Variants in WNT5A observed in about 807,000 individuals in gnomAD.
WNT5A encodes the protein Wnt family member 5A, also known as protein Wnt-5a.
WNT5A carries 9 observed loss-of-function variants against 42.1 expected under a neutral mutation model. The observed-to-expected ratio is 0.21, with a 90% CI of 0.13 to 0.37. The LOEUF (loss-of-function observed/expected upper bound fraction) is 0.37, where lower values mean the gene tolerates loss of function less well. Among genes scored for constraint, WNT5A ranks in the 10% least tolerant of loss-of-function variants. The pLI, the probability that WNT5A is intolerant of heterozygous loss-of-function variation, is 1.00. For missense variants in WNT5A, 426 were observed against 534.0 expected (o/e 0.80, Z 1.99); for synonymous variants, 210 against 210.0 (o/e 1.00, Z 0.00).
rs2106954723 is a variant in WNT5A at position 55,480,816 on chromosome 3, C to T, written c.109G>A (p.Ala37Thr). The T allele has an allele frequency of 6.4e-7, 1 of 1,572,632 alleles. No individual in the cohort carries two copies. Among genetic ancestry groups the T allele is most frequent in the Non-Finnish European group, 8.6e-7 (1 of 1,158,002 alleles). The change falls in exon 2 of 5, where the codon GCC becomes ACC. Residue 37 changes from alanine (A) to threonine (T), a missense_variant. This residue lies in a region of WNT5A where 62 missense variants were observed against 49.0 expected (regional missense o/e 1.26). Coordinates refer to ENST00000264634, the MANE Select transcript of WNT5A (RefSeq NM_003392.7). ...GAATTGGCTTCAATTACAACCTGGG[C>T]GAAGGAGAAAAATATGGCCAAAGCC... ...LVALAIFFSF[A>T]QVVIEANSWW...
chr3:55,499,627 C>A, the WNT5A span, among the ~76,000 whole-genome samples: 1 of 152,056 alleles, frequency 6.6e-6, no homozygotes, highest in Non-Finnish European at 1.5e-5. Context: ...GTCTTAAAAT[C>A]TAAATTTTCA....
At chr3:55,501,084 G>T in the WNT5A span, among the ~76,000 whole-genome samples, 1 of 152,220 alleles carries the variant, frequency 6.6e-6, no homozygotes, top group African/African-American at 2.4e-5. Context: ...AGCCAAGAGA[G>T]ATTAAGCAAT....
upstream of WNT5A, chr3:55,493,926 T>A (rs544563554): frequency 6.6e-6 from 1 of 152,364 alleles, no homozygotes; most frequent in South Asian, 2.1e-4. Flanking sequence ...TTGTGTCATA[T>A]TGTTTCTTCT....
chr3:55,480,603 T>C lies in WNT5A; in HGVS notation c.140+182A>G, dbSNP rs1195986626. 9.2e-5 allele frequency among the ~76,000 whole-genome samples: 14 copies of C among 152,214 alleles called. 1 individual carries two copies. Among genetic ancestry groups the C allele is most frequent in the South Asian group, 6.2e-4 (3 of 4,834 alleles). ...TTCCCTAGGAGCTGAAGATAAGCTT[T>C]ACAATATTAACAAGTTAAAAGAAAA... On this transcript the variant is annotated intron_variant, in intron 2 of 4. Transcript: ENST00000264634.
At chr3:55,476,417 AATATACAGC>A (rs1436582560) in intron 3 of WNT5A, among the ~76,000 whole-genome samples, 1 of 152,202 alleles carries the variant, frequency 6.6e-6, no homozygotes, top group African/African-American at 2.4e-5. Context: ...GAATGAGGAC[AATATACAGC>A]TTCTAGGGAG....
chr3:55,467,596 G>A lies in WNT5A; in HGVS notation c.*2496C>T, dbSNP rs1047894233. 8.5e-5 allele frequency: 13 copies of A among 152,382 alleles called. No homozygotes were observed. Among genetic ancestry groups the A allele is most frequent in the East Asian group, 3.9e-4 (2 of 5,172 alleles). The allele number at this position is 152,382 out of a possible 1,614,324, so 9.4% of individuals were successfully genotyped here. On this transcript the variant is annotated 3_prime_UTR_variant, in exon 5 of 5. Transcript: ENST00000264634. Reference sequence around the variant, plus strand: ...AACCACTTACCAATATACAAGTAACGTTTTATTTTATATTCTATCTTCCAT... The same window carrying A: ...AACCACTTACCAATATACAAGTAACATTTTATTTTATATTCTATCTTCCAT...
upstream of WNT5A, among the ~76,000 whole-genome samples, chr3:55,488,522 A>G (rs1010688704): frequency 7.9e-5 from 12 of 151,778 alleles, no homozygotes; most frequent in African/African-American, 2.7e-4. Context: ...AAAAAACTCA[A>G]CTTTGCTATG....
intron 3 of WNT5A, among the ~76,000 whole-genome samples, chr3:55,474,929 A>G: frequency 2.3e-5 from 1 of 44,086 alleles, no homozygotes. Flanking sequence ...AGGGAGTAGG[A>G]GATGGGGGGG....
intron 3 of WNT5A, among the ~76,000 whole-genome samples, chr3:55,478,073 G>C (rs2051390207): frequency 2.0e-5 from 3 of 152,168 alleles, no homozygotes; most frequent in African/African-American, 7.2e-5. Flanking sequence ...AAACTCCTGT[G>C]TTCCTGAAGC....
At position 55,487,110 on chromosome 3, in the gene WNT5A, G is replaced by T; in HGVS notation, c.-125C>A. Reference sequence around the variant, plus strand: ...GAGCAGGGCTGCGGAGTCCTCCGGCGCGCGTCCGGCGGGCGCAGTGAACCG... The same window carrying T: ...GAGCAGGGCTGCGGAGTCCTCCGGCTCGCGTCCGGCGGGCGCAGTGAACCG... On this transcript the variant is annotated 5_prime_UTR_variant, in exon 1 of 5. Transcript: ENST00000264634. 2 of 802,300 alleles carry T rather than the reference G, an allele frequency of 2.5e-6. No homozygotes were observed. The highest frequency in any genetic ancestry group is 3.9e-6 in the Non-Finnish European group (2 of 510,842). 49.7% of individuals were successfully genotyped at this position (802,300 alleles called of 1,614,324 possible).
rs183816271 is a variant in WNT5A, at chr3:55,483,151, G to A, written c.7-2233C>T. Among the ~76,000 whole-genome samples, 3 of 152,274 alleles carry A rather than the reference G, an allele frequency of 2.0e-5. No individual in the cohort carries two copies. The East Asian group carries it at 5.8e-4, about 30-fold the overall frequency. ...TCCCAGCCCGAAGCCCCCAGGGAGA[G>A]TCCACCAGTTCCCAGAGCCCAGGCC... On this transcript the variant is annotated intron_variant, in intron 1 of 4. Transcript: ENST00000264634. This position sits in a 1 kb window ranked among gnomAD's most constrained non-coding sequence, Gnocchi z 4.2.
intron 1 of WNT5A, chr3:55,481,183 A>T: frequency 1.5e-6 from 1 of 680,488 alleles, no homozygotes; most frequent in Non-Finnish European, 1.9e-6. Flanking sequence ...AATTCTGTTG[A>T]GTCAAAGCCC....
At chr3:55,482,032 T>C (rs1188248243) in intron 1 of WNT5A, among the ~76,000 whole-genome samples, 1 of 152,200 alleles carries the variant, frequency 6.6e-6, no homozygotes, top group Admixed American at 6.5e-5. Context: ...TCGTTGGAAC[T>C]CTGCCACCCT....
chr3:55,491,708 C>T (rs2051661385), upstream of WNT5A, among the ~76,000 whole-genome samples: 1 of 152,188 alleles, frequency 6.6e-6, no homozygotes, highest in Non-Finnish European at 1.5e-5. Flanking sequence ...GGTTTTCTCT[C>T]CAGTCACTAG....
intron 4 of WNT5A, among the ~76,000 whole-genome samples, chr3:55,472,162 C>T (rs2051263487): frequency 6.6e-6 from 1 of 152,168 alleles, no homozygotes; most frequent in Non-Finnish European, 1.5e-5. Context: ...AAACTCAGCT[C>T]ACTACTCCAA....
At chr3:55,495,092 C>T (rs1480527081), upstream of WNT5A, among the ~76,000 whole-genome samples, 2 of 152,204 alleles carry the variant, frequency 1.3e-5, no homozygotes, top group Middle Eastern at 3.4e-3. Flanking sequence ...ATCTGGTGTA[C>T]AAAACAATGT....
intron 3 of WNT5A, chr3:55,479,046 C>A: frequency 3.7e-6 from 1 of 273,698 alleles, no homozygotes; most frequent in Non-Finnish European, 6.7e-6. Flanking sequence ...CTATTTTAAA[C>A]AAAATGCTTT....
chr3:55,479,638 A>G (rs1465575087), intron 2 of WNT5A, 74 bp from the exon 3 acceptor site: 1 of 1,503,920 alleles, frequency 6.6e-7, no homozygotes, highest in Admixed American at 2.1e-5. Flanking sequence ...CATGTCAGCA[A>G]TACATAGTTT....
At chr3:55,502,941 C>A in the WNT5A span, among the ~76,000 whole-genome samples, 3 of 152,188 alleles carry the variant, frequency 2.0e-5, no homozygotes, top group African/African-American at 7.2e-5. Context: ...TCTAACCAGG[C>A]CCACATTTCT....
Sources: gnomAD v4.1 joint callset for allele counts (sites outside exome capture counted in the v4.1 genomes callset) on GRCh38, gnomAD v4.1.1 for gene constraint, gnomAD v4.1.1 regional missense constraint, Gnocchi (gnomAD v3.1) non-coding constraint, MANE v1.5 for transcripts, NCBI Gene and HGNC (gene_info 2026-07-23, HGNC 2026-07-21) for gene names.